The following ARSG variants were observed in gnomAD, a reference collection of about 807,000 sequenced individuals.
ARSG encodes the protein ASG.
In ARSG, 37 loss-of-function variants were observed where a neutral mutation model predicts 50.5. The observed-to-expected ratio is 0.73, with a 90% CI of 0.56 to 0.96. ARSG has a LOEUF of 0.96. Among genes scored for constraint, ARSG ranks in the 50% least tolerant of loss-of-function variants. The pLI is 0.00. For missense variants in ARSG, 629 were observed against 675.3 expected, an observed-to-expected ratio of 0.93 and a Z score of 0.76; for synonymous variants, 225 against 254.6, an observed-to-expected ratio of 0.88 and a Z score of 1.11.
intron 2 of ARSG, among the ~76,000 whole-genome samples, chr17:68,325,229 T>C (rs564435427): frequency 6.6e-6 from 1 of 151,784 alleles, no homozygotes; most frequent in East Asian, 1.9e-4. Flanking sequence ...CTCACAGGAG[T>C]GCGAGCCCTA....
chr17:68,354,345 G>A (rs892761215), intron 5 of ARSG, among the ~76,000 whole-genome samples: 2 of 151,280 alleles, frequency 1.3e-5, no homozygotes, highest in African/African-American at 4.9e-5. Flanking sequence ...GGCTTGAGGA[G>A]GAGGTTGCAG....
the ARSG span, among the ~76,000 whole-genome samples, chr17:68,444,223 A>G: frequency 2.0e-4 from 31 of 152,320 alleles, no homozygotes; most frequent in African/African-American, 7.5e-4. Context: ...TGTCTACCTT[A>G]CGTGCCTTGA....
At chr17:68,345,533 G>A (rs1192750266) in intron 3 of ARSG, among the ~76,000 whole-genome samples, 1 of 152,102 alleles carries the variant, frequency 6.6e-6, no homozygotes, top group Non-Finnish European at 1.5e-5. Flanking sequence ...GACACCTTTT[G>A]CACATCCTGG....
chr17:68,313,086 G>A (rs1408927026), intron 2 of ARSG, among the ~76,000 whole-genome samples: 1 of 151,888 alleles, frequency 6.6e-6, no homozygotes, highest in Non-Finnish European at 1.5e-5. Context: ...GTGGTGAAAC[G>A]CTGTCACTAC....
At chr17:68,385,542 G>T (rs530550531) in intron 9 of ARSG, among the ~76,000 whole-genome samples, 1 of 123,894 alleles carries the variant, frequency 8.1e-6, no homozygotes, top group Non-Finnish European at 1.7e-5. Context: ...GGAGGGAAGG[G>T]AAGGAGAGGG....
intron 2 of ARSG, among the ~76,000 whole-genome samples, chr17:68,316,623 G>T (rs1219798034): frequency 6.6e-6 from 1 of 152,188 alleles, no homozygotes; most frequent in Non-Finnish European, 1.5e-5. Flanking sequence ...ATTAAACCTT[G>T]CTGGACCTTA....
At position 68,356,737 on chromosome 17, in the gene ARSG, C is replaced by G. The variant is rs188273230; in HGVS notation, c.637C>G (p.Pro213Ala). The G allele has an allele frequency of 3.7e-6, 6 of 1,614,080 alleles. No homozygotes were observed. The African/African-American group carries it at 8.0e-5, about 22-fold the overall frequency. The change falls in exon 6 of 12, where the codon CCG (proline) becomes GCG (alanine). Residue 213 changes from proline to alanine, a missense_variant. Physicochemically the swap from Pro to Ala is conservative, Grantham distance 27. Transcript: ENST00000621439. The part of the protein sequence containing the change: ...LYENLNIVEQ[P>A]VNLSSLAQKY... The stretch of plus-strand genomic sequence containing the variant: ...TGAAAACCTCAACATTGTGGAGCAG[C>G]CGGTGAACTTGAGCAGCCTTGCCCA...
At chr17:68,342,543 A>T (rs976432071) in intron 2 of ARSG, among the ~76,000 whole-genome samples, 14 of 151,540 alleles carry the variant, frequency 9.2e-5, no homozygotes, top group Non-Finnish European at 1.6e-4. Context: ...TATTATTGGT[A>T]GAGACAGGGT....
intron 1 of ARSG, among the ~76,000 whole-genome samples, chr17:68,281,834 C>T (rs1555752878): frequency 6.6e-6 from 1 of 151,922 alleles, no homozygotes; most frequent in African/African-American, 2.4e-5. Context: ...CTAGTACGGC[C>T]AATAAGGAGA....
chr17:68,315,715 C>T (rs1278318829), intron 2 of ARSG, among the ~76,000 whole-genome samples: 1 of 152,136 alleles, frequency 6.6e-6, no homozygotes, highest in Non-Finnish European at 1.5e-5. Context: ...TCACTATAAC[C>T]TCTGCCTCCC....
intron 1 of ARSG, chr17:68,270,975 C>G: frequency 1.9e-6 from 3 of 1,614,156 alleles, no homozygotes; most frequent in Non-Finnish European, 2.5e-6. Flanking sequence ...TTGTTCCAAC[C>G]ATAAACCCAA....
chr17:68,326,147 A>G (rs2077493599), intron 2 of ARSG, among the ~76,000 whole-genome samples: 1 of 152,234 alleles, frequency 6.6e-6, no homozygotes. Context: ...CAGCAAGAAG[A>G]CAAATCCCTG....
chr17:68,369,161 G>T (rs139958474), intron 7 of ARSG, among the ~76,000 whole-genome samples: 4 of 152,170 alleles, frequency 2.6e-5, no homozygotes, highest in African/African-American at 9.7e-5. Flanking sequence ...TGGCCTTAGC[G>T]AGCTGAACTA....
chr17:68,434,367 C>G, the ARSG span, among the ~76,000 whole-genome samples: 1 of 152,186 alleles, frequency 6.6e-6, no homozygotes, highest in Admixed American at 6.5e-5. Context: ...GTTAAAACAG[C>G]ATCTCGGCTT....
At chr17:68,266,400 C>CT (rs34973569) in intron 1 of ARSG, among the ~76,000 whole-genome samples, 44,684 of 88,078 alleles carry the variant, frequency 0.51, 12,775 homozygotes, top group East Asian at 0.66. Flanking sequence ...TATATATATA[C>CT]TTTTTTGTAT....
chr17:68,300,975 G>A (rs8074062), intron 1 of ARSG, among the ~76,000 whole-genome samples: 11,203 of 151,842 alleles, frequency 0.074, 477 homozygotes, highest in African/African-American at 0.11. Context: ...AAAATTAGCC[G>A]GGCGTGGTGG....
the ARSG span, among the ~76,000 whole-genome samples, chr17:68,429,417 C>CT: frequency 8.2e-4 from 125 of 152,134 alleles, 1 homozygote; most frequent in African/African-American, 2.6e-3. Flanking sequence ...GAAAACAGAT[C>CT]TGGAGGCTTT....
intron 1 of ARSG, among the ~76,000 whole-genome samples, chr17:68,265,977 TTTACA>T (rs1176421464): frequency 5.3e-5 from 8 of 152,150 alleles, no homozygotes; most frequent in Admixed American, 4.6e-4. Context: ...TATCTGGACC[TTTACA>T]GAAAAAGTTT....
intron 2 of ARSG, among the ~76,000 whole-genome samples, chr17:68,338,754 T>A (rs982848502): frequency 6.6e-6 from 1 of 152,222 alleles, no homozygotes; most frequent in Non-Finnish European, 1.5e-5. Flanking sequence ...ACTTAGCACA[T>A]GTAAAGCGCC....
Sources: gnomAD v4.1 joint callset for allele counts (sites outside exome capture counted in the v4.1 genomes callset) on GRCh38, gnomAD v4.1.1 for gene constraint, MANE v1.5 for transcripts, NCBI Gene and HGNC (gene_info 2026-07-23, HGNC 2026-07-21) for gene names.